INPP4B: variants seen among roughly 807,000 people sequenced by gnomAD.
The protein encoded by INPP4B is inositol polyphosphate-4-phosphatase type II B.
INPP4B carries 55 observed loss-of-function variants against 122.5 expected under a neutral mutation model. The ratio of observed to expected loss-of-function variants is 0.45; its 90% CI spans 0.36 to 0.56. The LOEUF (loss-of-function observed/expected upper bound fraction) is 0.56. Among genes scored for constraint, INPP4B ranks in the 20% least tolerant of loss-of-function variants. The probability of loss-of-function intolerance (pLI) is 0.00; values close to 1 mark genes in which losing one functional copy is unlikely to be tolerated. For synonymous variants in INPP4B, 403 were observed against 388.7 expected (o/e 1.04, Z -0.43); for missense variants, 1,000 against 1,097.7 (o/e 0.91, Z 1.26).
intron 1 of INPP4B, among the ~76,000 whole-genome samples, chr4:142,742,133 C>T (rs1767989646): frequency 6.6e-6 from 1 of 151,782 alleles, no homozygotes. Context: ...AACAGTAGAC[C>T]CACACTCACC....
intron 12 of INPP4B, among the ~76,000 whole-genome samples, chr4:142,234,421 G>A (rs1456759063): frequency 6.6e-6 from 1 of 151,872 alleles, no homozygotes; most frequent in African/African-American, 2.4e-5. Flanking sequence ...TCTTTAGTTG[G>A]TTCTCTTTGT....
Position 142,086,175 on chromosome 4 carries a change from T to C in INPP4B, c.2456A>G (p.Lys819Arg). ...LLQNIQSKKR[K>R]NVEIMWLAAT... ...AGCCAGCCACATAATTTCTACATTC[T>C]TTCTTTTTTTGGATTGGATATTTTG... Residue 819 changes from lysine to arginine, a missense_variant, in exon 24 of 26, where the codon AAG (lysine) becomes AGG (arginine). Physicochemically the swap from Lys to Arg is conservative, Grantham distance 26 (BLOSUM62 2). Coordinates refer to ENST00000262992, the MANE Select transcript of INPP4B (RefSeq NM_001101669.3). The C allele has an allele frequency of 6.2e-7, 1 of 1,600,176 alleles. No homozygotes were observed. Among genetic ancestry groups the C allele is most frequent in the Non-Finnish European group, 8.6e-7 (1 of 1,167,470 alleles).
chr4:142,234,990 T>C (rs1408111350), intron 12 of INPP4B, among the ~76,000 whole-genome samples: 1 of 152,220 alleles, frequency 6.6e-6, no homozygotes. Context: ...TGACAGTGGC[T>C]ATGCCTACAA....
intron 18 of INPP4B, 44 bp from the exon 19 acceptor site, chr4:142,124,804 G>T (rs757303486): frequency 7.3e-7 from 1 of 1,366,568 alleles, no homozygotes; most frequent in South Asian, 1.8e-5. Flanking sequence ...ATGAAGGAAG[G>T]TCTTGGAATA....
chr4:142,689,188 G>T (rs969716795), intron 2 of INPP4B, among the ~76,000 whole-genome samples: 2 of 152,130 alleles, frequency 1.3e-5, no homozygotes, highest in Non-Finnish European at 2.9e-5. Flanking sequence ...AGCGGGCAAG[G>T]AGAACCCATT....
intron 2 of INPP4B, among the ~76,000 whole-genome samples, chr4:142,689,789 C>A (rs929972145): frequency 6.6e-6 from 1 of 152,120 alleles, no homozygotes. Context: ...TAAGCAAATT[C>A]TGCCGTACAT....
At chr4:142,404,900 T>C (rs566749134) in intron 6 of INPP4B, among the ~76,000 whole-genome samples, 1 of 151,572 alleles carries the variant, frequency 6.6e-6, no homozygotes, top group Admixed American at 6.5e-5. Context: ...AGTGGGAACT[T>C]TTTTTTCTAT....
chr4:142,128,697 T>G (rs929434346), intron 18 of INPP4B, among the ~76,000 whole-genome samples: 2 of 152,124 alleles, frequency 1.3e-5, no homozygotes, highest in Non-Finnish European at 2.9e-5. Context: ...AAGCACAGCC[T>G]CTGTTTTCCA....
At chr4:142,523,462 GT>G (rs1826373430) in intron 2 of INPP4B, among the ~76,000 whole-genome samples, 1 of 151,980 alleles carries the variant, frequency 6.6e-6, no homozygotes, top group Admixed American at 6.6e-5. Flanking sequence ...TCAGTTATAG[GT>G]TTTATTTTGC....
At chr4:142,040,794 G>A (rs547659652) in intron 25 of INPP4B, among the ~76,000 whole-genome samples, 2 of 152,176 alleles carry the variant, frequency 1.3e-5, no homozygotes, top group Non-Finnish European at 2.9e-5. Flanking sequence ...CTGTAGGTGT[G>A]TTTGTTGCTA....
chr4:142,250,900 C>T (rs1170668944), intron 11 of INPP4B, among the ~76,000 whole-genome samples: 8 of 152,142 alleles, frequency 5.3e-5, no homozygotes, highest in South Asian at 2.1e-4. Context: ...ATCTTTCACT[C>T]CACAAAGTAT....
Position 142,028,771 on chromosome 4 carries a change from T to C in INPP4B, c.*11A>G, listed in dbSNP as rs1737848758. 1 of 1,603,182 alleles carries C rather than the reference T, an allele frequency of 6.2e-7. No homozygotes were observed. On this transcript the variant is annotated 3_prime_UTR_variant, in exon 26 of 26. Coordinates refer to ENST00000262992, the MANE Select transcript of INPP4B (RefSeq NM_001101669.3). ...GTATTTGTGTTCCTGTTTATTAACATGTTGGTAAACTTAGGTGTCAGCTTT... is the reference window on the plus strand; with the variant it reads ...GTATTTGTGTTCCTGTTTATTAACACGTTGGTAAACTTAGGTGTCAGCTTT...
At chr4:142,165,236 T>C (rs1280424200) in intron 16 of INPP4B, among the ~76,000 whole-genome samples, 1 of 9,388 alleles carries the variant, frequency 1.1e-4, no homozygotes, top group Admixed American at 1.6e-3. Flanking sequence ...ATTTGAGTAG[T>C]ATCATTAGTA....
chr4:142,553,323 G>C (rs892457815), intron 2 of INPP4B, among the ~76,000 whole-genome samples: 2 of 152,110 alleles, frequency 1.3e-5, no homozygotes, highest in Non-Finnish European at 2.9e-5. Context: ...TATCCAACTT[G>C]ATGTCTCTAT....
intron 2 of INPP4B, among the ~76,000 whole-genome samples, chr4:142,699,678 C>T (rs537574448): frequency 2.8e-4 from 42 of 152,290 alleles, no homozygotes; most frequent in African/African-American, 8.7e-4. Flanking sequence ...GACACCCCCT[C>T]CATCTTTATG....
At chr4:142,390,879 A>C (rs578099072) in intron 7 of INPP4B, among the ~76,000 whole-genome samples, 1 of 152,318 alleles carries the variant, frequency 6.6e-6, no homozygotes, top group African/African-American at 2.4e-5. Flanking sequence ...CAAGCATGCA[A>C]AATCCTAGAA....
intron 23 of INPP4B, among the ~76,000 whole-genome samples, chr4:142,092,409 G>C (rs1417055871): frequency 1.3e-5 from 2 of 152,112 alleles, no homozygotes; most frequent in African/African-American, 4.8e-5. Context: ...TCCCGCCTCA[G>C]CCTCCCAAGT....
chr4:142,593,761 T>A (rs1365902412), intron 2 of INPP4B, among the ~76,000 whole-genome samples: 1 of 152,122 alleles, frequency 6.6e-6, no homozygotes, highest in Non-Finnish European at 1.5e-5. Context: ...TTATTCCATG[T>A]TCATTTAAGA....
At chr4:142,064,580 T>A (rs1762543916) in intron 25 of INPP4B, among the ~76,000 whole-genome samples, 1 of 152,198 alleles carries the variant, frequency 6.6e-6, no homozygotes, top group Admixed American at 6.5e-5. Context: ...CAAGAGCAGC[T>A]GCTATAAAAT....
Sources: gnomAD v4.1 joint callset for allele counts (sites outside exome capture counted in the v4.1 genomes callset) on GRCh38, gnomAD v4.1.1 for gene constraint, MANE v1.5 for transcripts, NCBI Gene and HGNC (gene_info 2026-07-23, HGNC 2026-07-21) for gene names.